Variants in OCA2 observed in about 807,000 individuals in gnomAD.
OCA2 encodes P protein.
A neutral mutation model predicts 100.2 loss-of-function variants in OCA2; 77 were observed. The ratio of observed to expected loss-of-function variants is 0.77; its 90% CI spans 0.64 to 0.93. OCA2 has a LOEUF of 0.93. OCA2 is among the 40% of genes least tolerant of loss of function. OCA2 has a pLI of 0.00. For missense variants in OCA2, 1,062 were observed against 1,089.1 expected, an observed-to-expected ratio of 0.98 and a Z score of 0.35; for synonymous variants, 432 against 439.2, an observed-to-expected ratio of 0.98 and a Z score of 0.21.
chr15:27,972,911 G>T (rs1481632418), intron 14 of OCA2, among the ~76,000 whole-genome samples: 1 of 148,086 alleles, frequency 6.8e-6, no homozygotes, highest in African/African-American at 2.5e-5. Context: ...TCTCACCCAA[G>T]CTGGAGTGCA....
chr15:27,954,886 G>A (rs1402549430), intron 17 of OCA2, among the ~76,000 whole-genome samples: 1 of 152,176 alleles, frequency 6.6e-6, no homozygotes, highest in Non-Finnish European at 1.5e-5. Context: ...GGTGGTCAGG[G>A]ACACCCGCTC....
Position 27,788,226 on chromosome 15 carries a change from G to A in OCA2, c.2433-32754C>T, listed in dbSNP as rs75364611. Reference sequence around the variant, plus strand: ...CCTTTGTTGGGTTGACTATTCTGTAGATATTAGGTCAAGTAATTGCGAGTA... The same window carrying A: ...CCTTTGTTGGGTTGACTATTCTGTAAATATTAGGTCAAGTAATTGCGAGTA... On this transcript the variant is annotated intron_variant, in intron 23 of 23. Coordinates refer to ENST00000354638, the MANE Select transcript of OCA2 (RefSeq NM_000275.3). Among the ~76,000 whole-genome samples the A allele has an allele frequency of 4.2e-3, 638 of 151,050 alleles. 2 individuals carry two copies. Among genetic ancestry groups the A allele is most frequent in the Admixed American group, 8.0e-3 (121 of 15,180 alleles).
rs2043416524 is a variant in OCA2 at position 28,048,682 on chromosome 15, T to C, written c.228-16519A>G. On this transcript the variant is annotated intron_variant, in intron 2 of 23. Coordinates refer to ENST00000354638, the MANE Select transcript of OCA2 (RefSeq NM_000275.3). Reference sequence around the variant, plus strand: ...GAAAAAAAAATAGATAAATTGAGCTTCATCAAAATTAAAATCCTTTGCGCT... The same window carrying C: ...GAAAAAAAAATAGATAAATTGAGCTCCATCAAAATTAAAATCCTTTGCGCT... 3.3e-5 allele frequency among the ~76,000 whole-genome samples: 5 copies of C among 152,100 alleles called. No homozygotes were observed. In the South Asian group the frequency reaches 8.3e-4, roughly 25 times the overall value.
At chr15:27,772,716 C>G (rs2031955513) in intron 23 of OCA2, among the ~76,000 whole-genome samples, 1 of 151,998 alleles carries the variant, frequency 6.6e-6, no homozygotes, top group Non-Finnish European at 1.5e-5. Flanking sequence ...TGGCAGGCGC[C>G]TGTAGTCCCA....
chr15:28,072,772 G>T (rs752657716), intron 2 of OCA2, among the ~76,000 whole-genome samples: 1 of 152,002 alleles, frequency 6.6e-6, no homozygotes, highest in Non-Finnish European at 1.5e-5. Context: ...CAGTCAGAAT[G>T]GCTATTATTT....
chr15:27,862,265 C>T (rs1011059914), intron 21 of OCA2, among the ~76,000 whole-genome samples: 7 of 151,364 alleles, frequency 4.6e-5, no homozygotes, highest in African/African-American at 1.5e-4. Context: ...GGACAGAAAG[C>T]GTGGTCGTCA....
chr15:27,979,466 T>G (rs771371130), intron 14 of OCA2, among the ~76,000 whole-genome samples: 1 of 152,234 alleles, frequency 6.6e-6, no homozygotes, highest in Non-Finnish European at 1.5e-5. Flanking sequence ...TCTTGCAATT[T>G]GTTTTATATT....
intron 15 of OCA2, among the ~76,000 whole-genome samples, chr15:27,963,711 G>A (rs989625018): frequency 6.6e-5 from 10 of 151,410 alleles, no homozygotes; most frequent in African/African-American, 2.2e-4. Flanking sequence ...TAAGAAACCA[G>A]TGAAAAAATA....
the OCA2 span, among the ~76,000 whole-genome samples, chr15:27,732,299 G>A: frequency 2.6e-5 from 4 of 152,324 alleles, no homozygotes; most frequent in Admixed American, 2.0e-4. Flanking sequence ...CACTAATGGT[G>A]TATGGTTGGT....
chr15:27,766,090 C>A (rs1046516388), intron 23 of OCA2, among the ~76,000 whole-genome samples: 2 of 152,152 alleles, frequency 1.3e-5, no homozygotes, highest in Non-Finnish European at 2.9e-5. Flanking sequence ...TCCTGTCAGC[C>A]TCTATCTAAA....
chr15:27,871,390 T>A (rs955012957), intron 20 of OCA2, 132 bp from the exon 21 acceptor site: 12 of 726,510 alleles, frequency 1.7e-5, no homozygotes, highest in Non-Finnish European at 2.7e-5. Flanking sequence ...AAGGCAGACA[T>A]AGGTGTGCAA....
chr15:28,036,537 A>G (rs2043049011), intron 2 of OCA2, among the ~76,000 whole-genome samples: 1 of 152,172 alleles, frequency 6.6e-6, no homozygotes, highest in Non-Finnish European at 1.5e-5. Context: ...ATGATTATTA[A>G]TAAGACAGGT....
intron 2 of OCA2, among the ~76,000 whole-genome samples, chr15:28,058,821 C>G (rs1232774892): frequency 6.6e-6 from 1 of 152,180 alleles, no homozygotes; most frequent in Non-Finnish European, 1.5e-5. Flanking sequence ...AACGTAGCAT[C>G]CCAGAGCCCA....
chr15:27,883,590 C>T (rs186500134), intron 19 of OCA2, among the ~76,000 whole-genome samples: 5 of 152,246 alleles, frequency 3.3e-5, no homozygotes, highest in African/African-American at 7.2e-5. Context: ...GGGAGATCAA[C>T]GAGCATCACA....
At chr15:27,721,831 C>G in the OCA2 span, among the ~76,000 whole-genome samples, 2 of 151,956 alleles carry the variant, frequency 1.3e-5, no homozygotes, top group Non-Finnish European at 2.9e-5. Flanking sequence ...ATATTTTCAT[C>G]AAAAAGGTAA....
chr15:28,049,398 T>G (rs576528349), intron 2 of OCA2, among the ~76,000 whole-genome samples: 2 of 152,314 alleles, frequency 1.3e-5, no homozygotes, highest in Non-Finnish European at 2.9e-5. Context: ...GAAAACTCTA[T>G]GAAAAACAGT....
chr15:27,826,926 A>T (rs2034747593), intron 23 of OCA2, among the ~76,000 whole-genome samples: 1 of 152,212 alleles, frequency 6.6e-6, no homozygotes, highest in Non-Finnish European at 1.5e-5. Flanking sequence ...TTCCCTTAAC[A>T]TCCTACAGGA....
At chr15:28,021,839 G>A (rs2042603621) in intron 6 of OCA2, among the ~76,000 whole-genome samples, 1 of 152,204 alleles carries the variant, frequency 6.6e-6, no homozygotes, top group African/African-American at 2.4e-5. Flanking sequence ...CCCAGTGGGA[G>A]GGGTGGGCAT....
At chr15:28,004,559 C>T (rs113715958) in intron 9 of OCA2, among the ~76,000 whole-genome samples, 3,307 of 152,190 alleles carry the variant, frequency 0.022, 138 homozygotes, top group African/African-American at 0.076. Flanking sequence ...CATGCCCACA[C>T]ACTAACACAG....
Sources: gnomAD v4.1 joint callset for allele counts (sites outside exome capture counted in the v4.1 genomes callset) on GRCh38, gnomAD v4.1.1 for gene constraint, MANE v1.5 for transcripts, NCBI Gene and HGNC (gene_info 2026-07-23, HGNC 2026-07-21) for gene names.